ETV5: variants seen among roughly 807,000 people sequenced by gnomAD.
The protein encoded by ETV5 is ETS variant transcription factor 5.
Under a neutral mutation model 70.0 loss-of-function variants are expected in ETV5, and 10 were observed. The ratio of observed to expected loss-of-function variants is 0.14; its 90% CI spans 0.09 to 0.24. The LOEUF is 0.24. Ranked by LOEUF, ETV5 falls within the 10% of genes least tolerant of loss-of-function variation. The pLI is 1.00. For missense variants in ETV5, 453 were observed against 651.2 expected, an observed-to-expected ratio of 0.70 and a Z score of 3.31; for synonymous variants, 216 against 242.2, an observed-to-expected ratio of 0.89 and a Z score of 1.01.
intron 5 of ETV5, among the ~76,000 whole-genome samples, chr3:186,083,145 C>T (rs1019728277): frequency 6.6e-6 from 1 of 152,206 alleles, no homozygotes; most frequent in Admixed American, 6.5e-5. Context: ...ACACAGAAAT[C>T]CCTTCCTCCA....
chr3:186,078,738 C>T (rs1713857646), intron 7 of ETV5, among the ~76,000 whole-genome samples: 1 of 152,114 alleles, frequency 6.6e-6, no homozygotes, highest in Admixed American at 6.5e-5. Flanking sequence ...CCCTGTGTAA[C>T]ACAGGCGTTC....
rs775007271 is a variant in ETV5 at position 186,081,151 on chromosome 3, G to C, written c.257C>G (p.Thr86Ser). 6.2e-7 allele frequency: 1 copy of C among 1,613,566 alleles called. No individual in the cohort carries two copies. Among genetic ancestry groups the C allele is most frequent in the Non-Finnish European group, 8.5e-7 (1 of 1,179,694 alleles). ...GCTGTGCAGCTCCCGTTTGATCTTG[G>C]TTGGAGGTGGGGCATGAAGCACCAC... ...DNLVLHAPPPTKIKRELHSPS... is the reference protein window; with the variant it reads ...DNLVLHAPPPSKIKRELHSPS... The change falls in exon 6 of 13, where the codon ACC becomes AGC. Residue 86 changes from threonine to serine, a missense_variant. Thr to Ser is a moderately conservative substitution (Grantham distance 58). Transcript: ENST00000306376.
intron 7 of ETV5, among the ~76,000 whole-genome samples, chr3:186,070,107 C>T (rs1166728809): frequency 2.0e-5 from 3 of 152,186 alleles, no homozygotes; most frequent in East Asian, 1.9e-4. Flanking sequence ...CCACGGCGCC[C>T]GGCCGAAGAT....
In ETV5 at chr3:186,079,752, T is replaced by C. The variant is rs1713884751; in HGVS notation, c.650+65A>G. On this transcript the variant is annotated intron_variant, in intron 7 of 12. Transcript: ENST00000306376. ...GGTAAATAAGACAAACTGCTTCCCCTCTCCCAGTGAGAAAGGATAGGAGTG... is the reference window on the plus strand; with the variant it reads ...GGTAAATAAGACAAACTGCTTCCCCCCTCCCAGTGAGAAAGGATAGGAGTG... 2.0e-6 allele frequency: 3 copies of C among 1,507,518 alleles called. No individual in the cohort carries two copies. The East Asian group carries it at 7.2e-5, about 36-fold the overall frequency. The allele number at this position is 1,507,518 out of a possible 1,614,324, so 93.4% of individuals were successfully genotyped here.
In ETV5 at chr3:186,079,835, T is replaced by C. The variant is rs767733743; in HGVS notation, c.632A>G (p.Gln211Arg). 1 of 1,608,424 alleles carries C rather than the reference T, an allele frequency of 6.2e-7. No individual in the cohort carries two copies. Residue 211 changes from glutamine (Q) to arginine (R), a missense_variant, in exon 7 of 13, where the codon CAG (glutamine) becomes CGG (arginine). By Grantham distance (43) the Gln-to-Arg change is conservative. This residue lies in a region of ETV5 where 307 missense variants were observed against 344.9 expected (regional missense o/e 0.89). Coordinates refer to ENST00000306376, the MANE Select transcript of ETV5 (RefSeq NM_004454.3). ...LQMPKMMPEN[Q>R]YPSEQRFQRQ... ...CACCCACCTCTGTTCTGATGGATACTGGTTTTCAGGCATCATCTTTGGCAT... is the reference window on the plus strand; with the variant it reads ...CACCCACCTCTGTTCTGATGGATACCGGTTTTCAGGCATCATCTTTGGCAT...
chr3:186,064,416 C>T lies in ETV5; in HGVS notation c.970+1G>A, dbSNP rs1713385263. 6.2e-7 allele frequency: 1 copy of T among 1,613,948 alleles called. No homozygotes were observed. Among genetic ancestry groups the T allele is most frequent in the Non-Finnish European group, 8.5e-7 (1 of 1,179,936 alleles). On this transcript the variant is annotated splice_donor_variant, in intron 9 of 12. Transcript: ENST00000306376. LOFTEE classifies it high-confidence loss of function. ...AGAGGAAAGAAAAGCAGGTTCCTTA[C>T]CTTCATGGCTGCTGGAGAAATAACC...
chr3:186,101,457 T>A (rs1291263859), intron 5 of ETV5, among the ~76,000 whole-genome samples: 1 of 145,542 alleles, frequency 6.9e-6, no homozygotes, highest in Admixed American at 6.8e-5. Flanking sequence ...GTCAGTTTTT[T>A]ATAATTTTTT....
At chr3:186,072,765 T>G (rs1430938543) in intron 7 of ETV5, among the ~76,000 whole-genome samples, 4 of 152,200 alleles carry the variant, frequency 2.6e-5, no homozygotes. Flanking sequence ...AGATCAAATA[T>G]GGGAGAGGGA....
chr3:186,055,139 T>C (rs1248386651), intron 11 of ETV5, among the ~76,000 whole-genome samples: 1 of 152,184 alleles, frequency 6.6e-6, no homozygotes, highest in Non-Finnish European at 1.5e-5. Flanking sequence ...TGCAGAAGAT[T>C]CAATAACAGC....
Position 186,105,946 on chromosome 3 carries a change from T to A in ETV5, c.-74-4A>T, listed in dbSNP as rs756826786. On this transcript the variant is annotated splice_polypyrimidine_tract_variant and splice_region_variant and intron_variant, in intron 1 of 12. Transcript: ENST00000306376. The surrounding 1 kb of genome is among the most constrained non-coding windows in gnomAD (Gnocchi z 4.5). ...TTCTGGGGGAAAAGGGATCCTCCTG[T>A]AATATGAATTTGGGAGATTTTAACT... 1 of 1,559,862 alleles carries A rather than the reference T, an allele frequency of 6.4e-7. No homozygotes were observed. The highest frequency in any genetic ancestry group is 8.7e-7 in the Non-Finnish European group (1 of 1,144,162).
chr3:186,056,384 C>G (rs1713162591), intron 11 of ETV5, among the ~76,000 whole-genome samples: 1 of 152,084 alleles, frequency 6.6e-6, no homozygotes, highest in Non-Finnish European at 1.5e-5. Flanking sequence ...CACACACCAC[C>G]ATGCCTAGCT....
chr3:186,056,523 C>T (rs2150142123), intron 11 of ETV5, among the ~76,000 whole-genome samples: 1 of 152,116 alleles, frequency 6.6e-6, no homozygotes, highest in Admixed American at 6.6e-5. Context: ...GTTGGGATTA[C>T]AGGTGTGAGC....
Position 186,051,178 on chromosome 3 carries a change from G to A in ETV5, c.1311+852C>T, listed in dbSNP as rs541398211. On this transcript the variant is annotated intron_variant, in intron 12 of 12. Coordinates refer to ENST00000306376, the MANE Select transcript of ETV5 (RefSeq NM_004454.3). ...TGAGTATTTTTTAAGGTGGCGAGGA[G>A]AATATGGGGTCACATTACCACCCGC... Among the ~76,000 whole-genome samples, 4 of 152,258 alleles carry A rather than the reference G, an allele frequency of 2.6e-5. No homozygotes were observed. The South Asian group carries it at 8.3e-4, about 32-fold the overall frequency.
chr3:186,069,513 T>C (rs1486498130), intron 7 of ETV5, among the ~76,000 whole-genome samples: 1 of 150,628 alleles, frequency 6.6e-6, no homozygotes, highest in Non-Finnish European at 1.5e-5. Context: ...TTTTTTTTTT[T>C]TTTTTTTAAA....
intron 5 of ETV5, among the ~76,000 whole-genome samples, chr3:186,083,366 A>G (rs1713976650): frequency 6.6e-6 from 1 of 152,258 alleles, no homozygotes; most frequent in South Asian, 2.1e-4. Context: ...AAGTTTGGAA[A>G]GAAAACAATT....
At position 186,064,435 on chromosome 3, in the gene ETV5, A is replaced by G. The variant is rs761262992; in HGVS notation, c.952T>C (p.Phe318Leu). The change falls in exon 9 of 13, where the codon TTC becomes CTC. Residue 318 changes from phenylalanine to leucine, a missense_variant. Physicochemically the swap from Phe to Leu is conservative, Grantham distance 22. This residue lies in a region of ETV5 where 307 missense variants were observed against 344.9 expected (regional missense o/e 0.89). Coordinates refer to ENST00000306376, the MANE Select transcript of ETV5 (RefSeq NM_004454.3). ...CQSSYMRGGY[F>L]SSSHEGFSYE... ...TCCTTACCTTCATGGCTGCTGGAGA[A>G]ATAACCCCCTCTCATGTAGGATGAC... The G allele has an allele frequency of 3.7e-6, 6 of 1,614,202 alleles. No homozygotes were observed. In the Admixed American group the frequency reaches 1.0e-4, roughly 27 times the overall value.
Position 186,057,521 on chromosome 3 carries a change from T to A in ETV5, c.971-30A>T. ...AAGAGAATTTAAAAGAAAGACTACG[T>A]TGCTTAACAAATTCTGTGTTGTACT... On this transcript the variant is annotated intron_variant, in intron 9 of 12. Coordinates refer to ENST00000306376, the MANE Select transcript of ETV5 (RefSeq NM_004454.3). The surrounding 1 kb of genome is among the most constrained non-coding windows in gnomAD (Gnocchi z 4.9). 1.9e-6 allele frequency: 3 copies of A among 1,563,718 alleles called. No individual in the cohort carries two copies. Among genetic ancestry groups the A allele is most frequent in the Non-Finnish European group, 2.6e-6 (3 of 1,134,320 alleles).
intron 11 of ETV5, among the ~76,000 whole-genome samples, chr3:186,053,882 A>G (rs933150304): frequency 6.6e-6 from 1 of 152,242 alleles, no homozygotes; most frequent in African/African-American, 2.4e-5. Context: ...GATGCCTTAT[A>G]AAACTAATCT....
chr3:186,059,905 GTCAGGGAT>G (rs1197765950), intron 9 of ETV5, among the ~76,000 whole-genome samples: 2 of 152,280 alleles, frequency 1.3e-5, no homozygotes, highest in Admixed American at 6.5e-5. Flanking sequence ...TAACTTTTAA[GTCAGGGAT>G]TCAATGACTC....
Sources: allele counts gnomAD v4.1 joint callset (sites outside exome capture counted in the v4.1 genomes callset), GRCh38; gene constraint gnomAD v4.1.1; regional missense constraint gnomAD v4.1.1; non-coding constraint Gnocchi (gnomAD v3.1); transcripts MANE v1.5; gene names NCBI Gene and HGNC (gene_info 2026-07-23, HGNC 2026-07-21).